ACAD11: variants seen among roughly 807,000 people sequenced by gnomAD.
ACAD11 encodes the protein acyl-Coenzyme A dehydrogenase family, member 11.
A neutral mutation model predicts 102.2 loss-of-function variants in ACAD11; 83 were observed. That is an observed-to-expected ratio of 0.81 (90% confidence interval 0.68 to 0.97). ACAD11 has a LOEUF of 0.97. ACAD11 is among the 50% of genes least tolerant of loss of function. The pLI is 0.00. For missense variants in ACAD11, 901 were observed against 951.7 expected (o/e 0.95, Z 0.70); for synonymous variants, 324 against 319.8 (o/e 1.01, Z -0.14).
At chr3:132,632,981 C>T (rs544492887) in intron 5 of ACAD11, among the ~76,000 whole-genome samples, 170 of 152,286 alleles carry the variant, frequency 1.1e-3, no homozygotes, top group African/African-American at 3.7e-3. Flanking sequence ...TGGGCTGAGA[C>T]GACAGCGTTT....
chr3:132,575,763 C>G lies in ACAD11; in HGVS notation c.2001+9G>C, dbSNP rs955757951. On this transcript the variant is annotated intron_variant, in intron 17 of 19. Transcript: ENST00000264990. ...GCTACAATAAATTCAAATAAGTAAT[C>G]GTCCTCACATGTGCATACAACTTCT... is the stretch of plus-strand genomic sequence containing the variant. 9 of 1,613,466 alleles carry G rather than the reference C, an allele frequency of 5.6e-6. No individual in the cohort carries two copies. Among genetic ancestry groups the G allele is most frequent in the Non-Finnish European group, 6.8e-6 (8 of 1,179,586 alleles).
chr3:132,568,409 TAAATG>T (rs1937273124), intron 17 of ACAD11, among the ~76,000 whole-genome samples: 1 of 152,074 alleles, frequency 6.6e-6, no homozygotes, highest in Non-Finnish European at 1.5e-5. Flanking sequence ...AAAAGCTAAA[TAAATG>T]GAGAGATATA....
chr3:132,595,118 G>A (rs935136790), intron 13 of ACAD11, among the ~76,000 whole-genome samples: 12 of 152,252 alleles, frequency 7.9e-5, no homozygotes, highest in Admixed American at 3.9e-4. Context: ...GATGGATGAG[G>A]GTTATTTTAA....
chr3:132,633,000 T>C (rs1477564557), intron 5 of ACAD11, among the ~76,000 whole-genome samples: 4 of 152,220 alleles, frequency 2.6e-5, no homozygotes, highest in Non-Finnish European at 5.9e-5. Context: ...TTTCTAGATA[T>C]ACAGTCATGT....
rs752242107 is a variant in ACAD11 at position 132,626,702 on chromosome 3, G to C, written c.1186C>G (p.Pro396Ala). 3.7e-6 allele frequency: 6 copies of C among 1,613,506 alleles called. No homozygotes were observed. The highest frequency in any genetic ancestry group is 4.2e-6 in the Non-Finnish European group (5 of 1,179,906). ...TATATAATACTCACCTTTTCAGCTG[G>C]AAGAATGTGTTGTTTCATGAAATGC... The part of the protein sequence containing the change: ...VKHFMKQHIL[P>A]AEKEVTEFYV... Residue 396 changes from proline to alanine, a missense_variant, in exon 9 of 20, where the codon CCA becomes GCA. By Grantham distance (27) the Pro-to-Ala change is conservative. Transcript: ENST00000264990.
intron 17 of ACAD11, among the ~76,000 whole-genome samples, chr3:132,568,823 A>T (rs1045517840): frequency 7.0e-6 from 1 of 143,144 alleles, no homozygotes; most frequent in Admixed American, 7.0e-5. Flanking sequence ...AAAAAAAAAA[A>T]AAAAGAAGCT....
intron 12 of ACAD11, among the ~76,000 whole-genome samples, chr3:132,604,178 C>T (rs777612566): frequency 1.1e-4 from 16 of 152,278 alleles, no homozygotes; most frequent in Non-Finnish European, 1.9e-4. Context: ...AGGCCAACTG[C>T]ATTCCAAAAA....
chr3:132,611,415 G>A (rs1198618562), intron 11 of ACAD11, among the ~76,000 whole-genome samples: 1 of 152,086 alleles, frequency 6.6e-6, no homozygotes, highest in East Asian at 1.9e-4. Flanking sequence ...ATTCAATTAG[G>A]AAAAGAGGAA....
intron 13 of ACAD11, among the ~76,000 whole-genome samples, chr3:132,586,802 T>A (rs1015883611): frequency 1.3e-5 from 2 of 152,124 alleles, no homozygotes; most frequent in Non-Finnish European, 2.9e-5. Flanking sequence ...CATCAAAAAG[T>A]CTATAATAGG....
chr3:132,619,456 A>G lies in ACAD11; in HGVS notation c.1275+12T>C. ...TTGCATATGAATTTTCTAGCGTTAA[A>G]GATTTTCTTACCTTGAGTTTATCAA... is the stretch of plus-strand genomic sequence containing the variant. On this transcript the variant is annotated intron_variant, in intron 10 of 19. Coordinates refer to ENST00000264990, the MANE Select transcript of ACAD11 (RefSeq NM_032169.5). The G allele has an allele frequency of 6.4e-7, 1 of 1,556,686 alleles. No homozygotes were observed. Among genetic ancestry groups the G allele is most frequent in the East Asian group, 2.3e-5 (1 of 42,722 alleles).
chr3:132,657,726 A>C (rs1937883094), intron 1 of ACAD11, among the ~76,000 whole-genome samples: 1 of 152,114 alleles, frequency 6.6e-6, no homozygotes. Context: ...AATGCAGTTG[A>C]TTTCTGTACA....
At chr3:132,583,346 T>A (rs1400579204) in intron 13 of ACAD11, among the ~76,000 whole-genome samples, 2 of 152,216 alleles carry the variant, frequency 1.3e-5, no homozygotes, top group Non-Finnish European at 2.9e-5. Flanking sequence ...ATAGAGGTGT[T>A]TATAGTATTC....
chr3:132,651,549 ACCT>A (rs1940932034), intron 1 of ACAD11, among the ~76,000 whole-genome samples: 1 of 151,998 alleles, frequency 6.6e-6, no homozygotes, highest in African/African-American at 2.4e-5. Flanking sequence ...TCTACCTCTA[ACCT>A]CCTACCTTTC....
Position 132,600,075 on chromosome 3 carries a change from T to C in ACAD11, c.1621+3154A>G, listed in dbSNP as rs554643810. On this transcript the variant is annotated intron_variant, in intron 13 of 19. Transcript: ENST00000264990. ...TTAAATTTTCATATTTTAAAAATCA[T>C]TTTTACATAAAAGTCTTCACTTTTA... 5.3e-5 allele frequency among the ~76,000 whole-genome samples: 8 copies of C among 152,322 alleles called. No homozygotes were observed. The South Asian group carries it at 1.4e-3, about 28-fold the overall frequency.
intron 14 of ACAD11, 126 bp from the exon 15 acceptor site, chr3:132,579,007 G>A: frequency 6.5e-7 from 1 of 1,529,644 alleles, no homozygotes; most frequent in South Asian, 1.2e-5. Context: ...TGACTGGAAT[G>A]GGAACTGTGT....
chr3:132,564,898 A>C lies in ACAD11; in HGVS notation c.2002-3681T>G, dbSNP rs115418685. ...AGAATAACCTAGTGGTGTGTTTCCT[A>C]GGTTTTCTTTTTGCCTCATATATCT... On this transcript the variant is annotated intron_variant, in intron 17 of 19. Coordinates refer to ENST00000264990, the MANE Select transcript of ACAD11 (RefSeq NM_032169.5). Among the ~76,000 whole-genome samples, 552 of 152,246 alleles carry C rather than the reference A, an allele frequency of 3.6e-3. 6 individuals carry two copies. Among genetic ancestry groups the C allele is most frequent in the African/African-American group, 0.012 (492 of 41,540 alleles).
chr3:132,590,400 G>T (rs1323924650), intron 13 of ACAD11, among the ~76,000 whole-genome samples: 1 of 152,124 alleles, frequency 6.6e-6, no homozygotes, highest in East Asian at 1.9e-4. Flanking sequence ...TGGGATTACA[G>T]GCATGGCCAC....
intron 13 of ACAD11, among the ~76,000 whole-genome samples, chr3:132,582,852 C>G (rs1937626562): frequency 6.6e-6 from 1 of 152,094 alleles, no homozygotes; most frequent in Admixed American, 6.6e-5. Flanking sequence ...TCCATAGTCA[C>G]AGCCTCAGAG....
intron 1 of ACAD11, among the ~76,000 whole-genome samples, chr3:132,659,068 G>A (rs1013215174): frequency 6.6e-6 from 1 of 152,050 alleles, no homozygotes; most frequent in Non-Finnish European, 1.5e-5. Context: ...TTCCCGGTGG[G>A]GAACGCTACT....
Sources: allele counts gnomAD v4.1 joint callset (sites outside exome capture counted in the v4.1 genomes callset), GRCh38; gene constraint gnomAD v4.1.1; transcripts MANE v1.5; gene names NCBI Gene and HGNC (gene_info 2026-07-23, HGNC 2026-07-21).